ZCCHC4: variants seen among roughly 807,000 people sequenced by gnomAD.
The protein encoded by ZCCHC4 is zinc finger CCHC-type containing 4.
Under a neutral mutation model 67.7 loss-of-function variants are expected in ZCCHC4, and 54 were observed. The ratio of observed to expected loss-of-function variants is 0.80; its 90% CI spans 0.64 to 1.00. The LOEUF (loss-of-function observed/expected upper bound fraction) is 1.00. ZCCHC4 is among the 50% of genes least tolerant of loss of function. The pLI is 0.00. For synonymous variants in ZCCHC4, 198 were observed against 213.5 expected (o/e 0.93, Z 0.63); for missense variants, 609 against 617.0 (o/e 0.99, Z 0.14).
In ZCCHC4 at chr4:25,369,124, A is replaced by C; in HGVS notation, c.1502A>C (p.Lys501Thr). Residue 501 changes from lysine (K) to threonine (T), a missense_variant, in exon 13 of 13, where the codon AAG becomes ACG. Coordinates refer to ENST00000302874, the MANE Select transcript of ZCCHC4 (RefSeq NM_024936.3). ...SMNHTSATRRKKRRERAHQYL... is the reference protein window; with the variant it reads ...SMNHTSATRRTKRRERAHQYL... Reference sequence around the variant, plus strand: ...AATCATACATCTGCTACAAGGAGAAAGAAAAGGAGGGAAAGAGCCCATCAA... The same window carrying C: ...AATCATACATCTGCTACAAGGAGAACGAAAAGGAGGGAAAGAGCCCATCAA... The C allele has an allele frequency of 6.2e-7, 1 of 1,614,032 alleles. No individual in the cohort carries two copies. Among genetic ancestry groups the C allele is most frequent in the Non-Finnish European group, 8.5e-7 (1 of 1,179,994 alleles).
chr4:25,364,515 G>T lies in ZCCHC4; in HGVS notation c.1261+10G>T. On this transcript the variant is annotated intron_variant, in intron 11 of 12. Coordinates refer to ENST00000302874, the MANE Select transcript of ZCCHC4 (RefSeq NM_024936.3). ...AAGTGTGTAAAGCCTTGTAAGTATTGAGACTTAGTGTTTGAGATCCTATGA... is the reference window on the plus strand; with the variant it reads ...AAGTGTGTAAAGCCTTGTAAGTATTTAGACTTAGTGTTTGAGATCCTATGA... 6.4e-7 allele frequency: 1 copy of T among 1,552,868 alleles called. No individual in the cohort carries two copies. Among genetic ancestry groups the T allele is most frequent in the South Asian group, 1.3e-5 (1 of 78,366 alleles).
chr4:25,347,210 A>G (rs934908547), intron 6 of ZCCHC4, among the ~76,000 whole-genome samples: 1 of 152,206 alleles, frequency 6.6e-6, no homozygotes, highest in African/African-American at 2.4e-5. Flanking sequence ...GTCTGTTTTA[A>G]TACCATACTA....
At chr4:25,335,822 C>CT (rs1719432204) in intron 5 of ZCCHC4, among the ~76,000 whole-genome samples, 2 of 152,146 alleles carry the variant, frequency 1.3e-5, no homozygotes, top group South Asian at 2.1e-4. Flanking sequence ...TGAGTCAACT[C>CT]TAAGTTGTCT....
intron 2 of ZCCHC4, among the ~76,000 whole-genome samples, chr4:25,314,900 A>G (rs561019881): frequency 1.3e-5 from 2 of 152,182 alleles, no homozygotes; most frequent in African/African-American, 2.4e-5. Context: ...TAGATGACCA[A>G]TGAAGGCACT....
At chr4:25,367,591 A>G (rs1254177981) in intron 12 of ZCCHC4, among the ~76,000 whole-genome samples, 4 of 152,184 alleles carry the variant, frequency 2.6e-5, no homozygotes, top group Admixed American at 2.6e-4. Context: ...CCTACTTTAA[A>G]AAAGTGGGGA....
intron 3 of ZCCHC4, among the ~76,000 whole-genome samples, chr4:25,327,156 C>A (rs541911475): frequency 2.0e-5 from 3 of 152,198 alleles, no homozygotes; most frequent in Middle Eastern, 3.4e-3. Context: ...TTAATGTTTA[C>A]TTTCCAATTT....
At chr4:25,323,432 A>T (rs574831814) in intron 3 of ZCCHC4, among the ~76,000 whole-genome samples, 1 of 152,258 alleles carries the variant, frequency 6.6e-6, no homozygotes, top group South Asian at 2.1e-4. Flanking sequence ...CACTATGAAA[A>T]TATGTATTTT....
intron 3 of ZCCHC4, among the ~76,000 whole-genome samples, chr4:25,330,549 C>T (rs1367478436): frequency 3.3e-5 from 5 of 152,216 alleles, no homozygotes; most frequent in Non-Finnish European, 7.3e-5. Flanking sequence ...TGTGGTATCA[C>T]TACAGAATAG....
intron 7 of ZCCHC4, among the ~76,000 whole-genome samples, chr4:25,350,460 G>T (rs1383098165): frequency 6.6e-6 from 1 of 151,836 alleles, no homozygotes; most frequent in Admixed American, 6.6e-5. Context: ...GTAGAGACAG[G>T]GTTTTGCCAT....
intron 6 of ZCCHC4, among the ~76,000 whole-genome samples, chr4:25,349,041 G>T (rs1219970307): frequency 2.6e-5 from 4 of 152,158 alleles, no homozygotes; most frequent in Non-Finnish European, 4.4e-5. Context: ...CTGCTAATTT[G>T]TAGCTGTTAT....
In ZCCHC4 at chr4:25,335,858, A is replaced by ACT. The variant is rs529827227; in HGVS notation, c.686+1870_686+1871insCT. 8.5e-5 allele frequency among the ~76,000 whole-genome samples: 13 copies of ACT among 152,348 alleles called. No individual in the cohort carries two copies. The East Asian group carries it at 2.1e-3, about 25-fold the overall frequency. ...GACATACACAAGCACATTACTCAGA[A>ACT]ATTACCTATACTGTCTCATTCCTTA... On this transcript the variant is annotated intron_variant, in intron 5 of 12. Transcript: ENST00000302874.
rs316799 is a variant in ZCCHC4, at chr4:25,315,147, C to T, written c.247-171C>T. ...CAGTGCTTTAATATGCTGGATATTGCTTCAAGCTGCTCTAGAATTTTCCCA... is the reference window on the plus strand; with the variant it reads ...CAGTGCTTTAATATGCTGGATATTGTTTCAAGCTGCTCTAGAATTTTCCCA... On this transcript the variant is annotated intron_variant, in intron 2 of 12. Transcript: ENST00000302874. 3.2e-3 allele frequency among the ~76,000 whole-genome samples: 485 copies of T among 152,296 alleles called. 1 individual carries two copies. Among genetic ancestry groups the T allele is most frequent in the African/African-American group, 0.011 (475 of 41,558 alleles).
rs764823466 is a variant in ZCCHC4, at chr4:25,361,955, A to T, written c.1108A>T (p.Ile370Phe). Reference sequence around the variant, plus strand: ...CACCAACATTCCGCCCAACAAAATAATCCTTCCTACTGAAGAAGGGTACAG... The same window carrying T: ...CACCAACATTCCGCCCAACAAAATATTCCTTCCTACTGAAGAAGGGTACAG... ...IFTNIPPNKI[I>F]LPTEEGYRFC... The change falls in exon 9 of 13, where the codon ATC (isoleucine) becomes TTC (phenylalanine). Residue 370 changes from isoleucine to phenylalanine, a missense_variant. Transcript: ENST00000302874. 20 of 1,614,076 alleles carry T rather than the reference A, an allele frequency of 1.2e-5. No individual in the cohort carries two copies. The African/African-American group carries it at 2.1e-4, about 17-fold the overall frequency.
Position 25,314,123 on chromosome 4 carries a change from GAT to G in ZCCHC4, c.207_208del (p.Asp69GlufsTer5). 6.2e-7 allele frequency: 1 copy of G among 1,609,978 alleles called. No individual in the cohort carries two copies. Among genetic ancestry groups the G allele is most frequent in the Non-Finnish European group, 8.5e-7 (1 of 1,178,900 alleles). ...GTTTTATGCCTGTTCAGCCTGTAGA[GAT>G]AGAAAAGACTGTAATTTTTTTCAGT... ...RRFYACSACRDRKDCNFFQWE... is the reference protein window; with the variant it reads ...RRFYACSACRXRKDCNFFQWE... On this transcript the variant is annotated frameshift_variant, in exon 2 of 13. Coordinates refer to ENST00000302874, the MANE Select transcript of ZCCHC4 (RefSeq NM_024936.3). LOFTEE classifies it high-confidence loss of function.
At chr4:25,318,349 C>CTTTTTTTTTTTTTTTTTT (rs528144406) in intron 3 of ZCCHC4, among the ~76,000 whole-genome samples, 6 of 45,508 alleles carry the variant, frequency 1.3e-4, no homozygotes, top group Non-Finnish European at 2.1e-4. Context: ...CACTCTCTCT[C>CTTTTTTTTTTTTTTTTTT]TTTTTTTTTT....
chr4:25,325,183 G>A lies in ZCCHC4; in HGVS notation c.330-8000G>A, dbSNP rs1212483831. 3.2e-5 allele frequency among the ~76,000 whole-genome samples: 4 copies of A among 124,990 alleles called. 1 individual carries two copies. Among genetic ancestry groups the A allele is most frequent in the South Asian group, 2.5e-4 (1 of 4,046 alleles). The allele number at this position is 124,990 out of a possible 152,430, so 82.0% of individuals were successfully genotyped here. A position where few individuals can be genotyped will look rare whatever the true frequency, so the allele number is the denominator to read the frequency against. ...GCGTGAATCCCGGGAGGCGGAGCCT[G>A]CAGTGAGCCGAGATCTCGCCACTGC... On this transcript the variant is annotated intron_variant, in intron 3 of 12. Coordinates refer to ENST00000302874, the MANE Select transcript of ZCCHC4 (RefSeq NM_024936.3).
At chr4:25,330,889 A>G (rs1446036498) in intron 3 of ZCCHC4, among the ~76,000 whole-genome samples, 1 of 152,100 alleles carries the variant, frequency 6.6e-6, no homozygotes, top group Non-Finnish European at 1.5e-5. Flanking sequence ...GCATGTGCAC[A>G]TGCTGCTCAG....
chr4:25,342,727 G>A (rs1329864952), intron 5 of ZCCHC4, among the ~76,000 whole-genome samples: 1 of 152,088 alleles, frequency 6.6e-6, no homozygotes, highest in African/African-American at 2.4e-5. Flanking sequence ...CTTATTCAAT[G>A]GAGAGAATAA....
chr4:25,345,509 A>T, intron 5 of ZCCHC4, 39 bp from the exon 6 acceptor site: 1 of 1,095,666 alleles, frequency 9.1e-7, no homozygotes, highest in Non-Finnish European at 1.4e-6. Flanking sequence ...TCTACTCTAT[A>T]GCTGTGACTG....
Sources: allele counts gnomAD v4.1 joint callset (sites outside exome capture counted in the v4.1 genomes callset), GRCh38; gene constraint gnomAD v4.1.1; transcripts MANE v1.5; gene names NCBI Gene and HGNC (gene_info 2026-07-23, HGNC 2026-07-21).